Variants in UGT1A6 observed in about 807,000 individuals in gnomAD.
UGT1A6 encodes the protein UDP glucuronosyltransferase family 1 member A6, also known as UDP-glucuronosyltransferase 1A6.
Under a neutral mutation model 44.4 loss-of-function variants are expected in UGT1A6, and 32 were observed. The observed-to-expected ratio is 0.72, with a 90% CI of 0.54 to 0.97. The LOEUF (loss-of-function observed/expected upper bound fraction) is 0.97, where lower values mean the gene tolerates loss of function less well. Ranked by LOEUF, UGT1A6 falls within the 50% of genes least tolerant of loss-of-function variation. The pLI, the probability that UGT1A6 is intolerant of heterozygous loss-of-function variation, is 0.00. For missense variants in UGT1A6, 685 were observed against 661.9 expected (o/e 1.03, Z -0.38); for synonymous variants, 238 against 248.5 (o/e 0.96, Z 0.40).
intron 1 of UGT1A6, among the ~76,000 whole-genome samples, chr2:233,737,902 T>C (rs1690626433): frequency 6.6e-6 from 1 of 152,134 alleles, no homozygotes; most frequent in Non-Finnish European, 1.5e-5. Flanking sequence ...TCGAGTGTGG[T>C]AAAGAACAGG....
At chr2:233,760,638 A>G (rs752920136) in intron 1 of UGT1A6, 10 of 1,614,086 alleles carry the variant, frequency 6.2e-6, no homozygotes, top group African/African-American at 1.3e-5. Context: ...AGAAAATAAA[A>G]AAGGACTCTG....
chr2:233,720,624 T>C lies in UGT1A6; in HGVS notation c.861+26759T>C, dbSNP rs562222860. Among the ~76,000 whole-genome samples, 6 of 152,258 alleles carry C rather than the reference T, an allele frequency of 3.9e-5. No individual in the cohort carries two copies. The South Asian group carries it at 1.2e-3, about 32-fold the overall frequency. On this transcript the variant is annotated intron_variant, in intron 1 of 4. Coordinates refer to ENST00000305139, the MANE Select transcript of UGT1A6 (RefSeq NM_001072.4). ...ATTAATACAGAATATTTGGGTTTCATTGAAATAGTACTCTGGGATGTGAAA... is the reference window on the plus strand; with the variant it reads ...ATTAATACAGAATATTTGGGTTTCACTGAAATAGTACTCTGGGATGTGAAA...
At chr2:233,754,258 T>C in intron 1 of UGT1A6, 1 of 170,430 alleles carries the variant, frequency 5.9e-6, no homozygotes, top group Middle Eastern at 2.9e-3. Context: ...CGGAAAAAGG[T>C]AAGGCTCAAA....
intron 1 of UGT1A6, among the ~76,000 whole-genome samples, chr2:233,766,257 A>G (rs1699081687): frequency 1.3e-5 from 2 of 151,512 alleles, no homozygotes; most frequent in African/African-American, 2.4e-5. Context: ...CAGACCGCTC[A>G]GTGGCCCGGG....
chr2:233,737,815 G>A lies in UGT1A6; in HGVS notation c.862-29219G>A, dbSNP rs147002980. Among the ~76,000 whole-genome samples, 731 of 152,128 alleles carry A rather than the reference G, an allele frequency of 4.8e-3. 11 individuals carry two copies. The highest frequency in any genetic ancestry group is 0.017 in the African/African-American group (690 of 41,476). On this transcript the variant is annotated intron_variant, in intron 1 of 4. Coordinates refer to ENST00000305139, the MANE Select transcript of UGT1A6 (RefSeq NM_001072.4). ...AAATCTTCACTATCATCTCAGTGGA[G>A]CAGAACAAATTGGGAACTGTGGCAC...
At chr2:233,729,018 A>G in intron 1 of UGT1A6, 6 of 1,591,202 alleles carry the variant, frequency 3.8e-6, no homozygotes, top group Non-Finnish European at 5.1e-6. Context: ...TCTTCCAATT[A>G]CACGTTGATT....
chr2:233,718,671 G>A (rs2125661648), intron 1 of UGT1A6: 2 of 1,551,780 alleles, frequency 1.3e-6, no homozygotes, highest in Non-Finnish European at 1.7e-6. Flanking sequence ...ATAGATTAAT[G>A]GGTAATAAGT....
intron 1 of UGT1A6, among the ~76,000 whole-genome samples, chr2:233,702,925 G>T (rs1314769740): frequency 2.0e-5 from 3 of 152,140 alleles, no homozygotes; most frequent in Non-Finnish European, 2.9e-5. Context: ...TTTTCTTGCG[G>T]AGCCTTGGTC....
chr2:233,733,807 A>T (rs898855226), intron 1 of UGT1A6, among the ~76,000 whole-genome samples: 3 of 152,292 alleles, frequency 2.0e-5, no homozygotes, highest in Admixed American at 6.5e-5. Context: ...TATCAGGATG[A>T]TGCTGGCCTC....
chr2:233,768,643 G>T (rs1699688311), intron 4 of UGT1A6, among the ~76,000 whole-genome samples: 1 of 136,596 alleles, frequency 7.3e-6, no homozygotes. Context: ...CTGGAGTGCA[G>T]TGGTGCAATC....
chr2:233,703,328 T>C (rs937149928), intron 1 of UGT1A6, among the ~76,000 whole-genome samples: 4 of 152,052 alleles, frequency 2.6e-5, no homozygotes, highest in African/African-American at 9.7e-5. Flanking sequence ...CAATTTTGAG[T>C]CTTCTCTCTT....
intron 1 of UGT1A6, among the ~76,000 whole-genome samples, chr2:233,710,198 G>T (rs1472621460): frequency 6.6e-6 from 1 of 152,194 alleles, no homozygotes; most frequent in African/African-American, 2.4e-5. Flanking sequence ...ATAGTTTCCA[G>T]TTGTTGGCTA....
chr2:233,738,549 T>C (rs577240283), intron 1 of UGT1A6, among the ~76,000 whole-genome samples: 15 of 152,296 alleles, frequency 9.8e-5, no homozygotes, highest in Admixed American at 3.9e-4. Flanking sequence ...GAGTCTCAGA[T>C]AGAGATGAGG....
chr2:233,724,396 T>C (rs2077250917), intron 1 of UGT1A6, among the ~76,000 whole-genome samples: 1 of 143,176 alleles, frequency 7.0e-6, no homozygotes, highest in African/African-American at 2.6e-5. Flanking sequence ...GCTCCTCACT[T>C]CCCAGATGGG....
At chr2:233,708,006 A>G (rs1486589332) in intron 1 of UGT1A6, among the ~76,000 whole-genome samples, 1 of 152,158 alleles carries the variant, frequency 6.6e-6, no homozygotes, top group Non-Finnish European at 1.5e-5. Context: ...TTATGTATGC[A>G]TTCTGGATAC....
intron 1 of UGT1A6, among the ~76,000 whole-genome samples, chr2:233,766,396 G>A (rs1050069085): frequency 2.0e-5 from 3 of 152,150 alleles, no homozygotes; most frequent in East Asian, 3.9e-4. Context: ...CTGTCCTTGC[G>A]TCCCTCCGCT....
At position 233,767,932 on chromosome 2, in the gene UGT1A6, G is replaced by C. The variant is rs754018098; in HGVS notation, c.1077G>C (p.Leu359=). The change falls in exon 3 of 5, where the codon CTG becomes CTC. Residue 359 remains leucine (L), a synonymous_variant. Coordinates refer to ENST00000305139, the MANE Select transcript of UGT1A6 (RefSeq NM_001072.4). ...TTAAGTGGCTACCCCAAAACGATCT[G>C]CTTGGTATGTTGGGCGGATTGGATG... ...ILVKWLPQND[L]LGHPMTRAFI... 3 of 1,614,064 alleles carry C rather than the reference G, an allele frequency of 1.9e-6. No individual in the cohort carries two copies. Among genetic ancestry groups the C allele is most frequent in the African/African-American group, 2.7e-5 (2 of 74,926 alleles).
At chr2:233,768,733 C>T (rs748503352) in intron 4 of UGT1A6, among the ~76,000 whole-genome samples, 3 of 151,708 alleles carry the variant, frequency 2.0e-5, no homozygotes, top group Admixed American at 6.6e-5. Context: ...CAGGTGTCCA[C>T]CACCACGCCC....
intron 1 of UGT1A6, chr2:233,760,234 A>C: frequency 1.8e-6 from 2 of 1,136,914 alleles, no homozygotes; most frequent in South Asian, 2.9e-5. Flanking sequence ...GGTTTTTGCC[A>C]TATATATATA....
Sources: allele counts gnomAD v4.1 joint callset (sites outside exome capture counted in the v4.1 genomes callset), GRCh38; gene constraint gnomAD v4.1.1; transcripts MANE v1.5; gene names NCBI Gene and HGNC (gene_info 2026-07-23, HGNC 2026-07-21).